The following HIKESHI variants were observed in gnomAD, a reference collection of about 807,000 sequenced individuals.
HIKESHI encodes protein Hikeshi.
In HIKESHI, 13 loss-of-function variants were observed where a neutral mutation model predicts 25.7. That is an observed-to-expected ratio of 0.51 (90% CI 0.33 to 0.80). The LOEUF (loss-of-function observed/expected upper bound fraction) is 0.80, where lower values mean the gene tolerates loss of function less well. Among genes scored for constraint, HIKESHI ranks in the 30% least tolerant of loss-of-function variants. The probability of loss-of-function intolerance (pLI) is 0.02; values close to 1 mark genes in which losing one functional copy is unlikely to be tolerated. For missense variants in HIKESHI, 174 were observed against 229.5 expected (o/e 0.76, Z 1.56); for synonymous variants, 76 against 78.7 (o/e 0.97, Z 0.18).
chr11:86,319,237 TATA>T (rs1156601896), intron 2 of HIKESHI, among the ~76,000 whole-genome samples: 18 of 95,856 alleles, frequency 1.9e-4, no homozygotes, highest in African/African-American at 7.8e-4. Context: ...TATATATATA[TATA>T]TATTTTTTTT....
chr11:86,304,676 C>T (rs1946574578), intron 1 of HIKESHI, among the ~76,000 whole-genome samples: 1 of 152,066 alleles, frequency 6.6e-6, no homozygotes, highest in Admixed American at 6.6e-5. Flanking sequence ...CCCCCATGCC[C>T]AGCTAATTTT....
intron 2 of HIKESHI, among the ~76,000 whole-genome samples, chr11:86,315,165 A>C (rs1319207512): frequency 7.2e-5 from 11 of 152,226 alleles, no homozygotes; most frequent in Admixed American, 5.9e-4. Flanking sequence ...CATTCTAGTA[A>C]AATTACTGAA....
At chr11:86,318,303 C>CAAAAAAA (rs71040230) in intron 2 of HIKESHI, among the ~76,000 whole-genome samples, 418 of 35,628 alleles carry the variant, frequency 0.012, 66 homozygotes, top group African/African-American at 0.025. Context: ...GACTCCGTCT[C>CAAAAAAA]AAAAAAAAAA....
At chr11:86,307,955 ATATT>A (rs1946701990) in intron 2 of HIKESHI, among the ~76,000 whole-genome samples, 26 of 57,318 alleles carry the variant, frequency 4.5e-4, no homozygotes, top group South Asian at 1.3e-3. Context: ...TGTGTAATAT[ATATT>A]ATATAAAATA....
chr11:86,302,503 A>T, intron 1 of HIKESHI, 25 bp downstream of exon 1: 2 of 1,556,174 alleles, frequency 1.3e-6, no homozygotes, highest in South Asian at 2.4e-5. Context: ...GGGTGATATC[A>T]GGAAGGGGTC....
chr11:86,329,601 ATGGTAT>A (rs1947370473), intron 2 of HIKESHI, among the ~76,000 whole-genome samples: 7 of 119,126 alleles, frequency 5.9e-5, no homozygotes, highest in Non-Finnish European at 1.1e-4. Context: ...TTTTTGCCTT[ATGGTAT>A]TGTCTAGGCC....
At chr11:86,338,976 A>G (rs965133963) in intron 3 of HIKESHI, among the ~76,000 whole-genome samples, 1 of 152,252 alleles carries the variant, frequency 6.6e-6, no homozygotes, top group Admixed American at 6.5e-5. Flanking sequence ...AAATACAGAG[A>G]AAATAGAGTA....
At chr11:86,337,227 A>G in intron 2 of HIKESHI, 152 bp from the exon 3 acceptor site, 1 of 665,218 alleles carries the variant, frequency 1.5e-6, no homozygotes, top group South Asian at 2.2e-5. Context: ...CTAAAAACGA[A>G]GTAGGCTTTT....
At chr11:86,309,918 C>T (rs1330539676) in intron 2 of HIKESHI, among the ~76,000 whole-genome samples, 1 of 151,832 alleles carries the variant, frequency 6.6e-6, no homozygotes, top group East Asian at 1.9e-4. Flanking sequence ...CTATTCTGTT[C>T]CATTGGTCTA....
intron 2 of HIKESHI, among the ~76,000 whole-genome samples, chr11:86,323,797 T>TA (rs1282701591): frequency 6.6e-6 from 1 of 152,194 alleles, no homozygotes; most frequent in Non-Finnish European, 1.5e-5. Flanking sequence ...GAAAGTTCAA[T>TA]AAAAAATGAG....
Position 86,344,805 on chromosome 11 carries a change from A to G in HIKESHI, c.539+84A>G, listed in dbSNP as rs566084588. 63 of 929,380 alleles carry G rather than the reference A, an allele frequency of 6.8e-5. 1 individual carries two copies. In the Middle Eastern group the frequency reaches 1.8e-3, roughly 26 times the overall value. 57.6% of individuals were successfully genotyped at this position (929,380 alleles called of 1,614,324 possible). The stretch of plus-strand genomic sequence containing the variant: ...TCTATGAATATATTCCTTTTTTGAC[A>G]TTTAAACATATTCTTTTATTGTGAA... On this transcript the variant is annotated intron_variant, in intron 4 of 4. Coordinates refer to ENST00000278483, the MANE Select transcript of HIKESHI (RefSeq NM_016401.4).
chr11:86,306,263 C>T lies in HIKESHI; in HGVS notation c.49C>T (p.Gln17Ter). The T allele has an allele frequency of 6.2e-7, 1 of 1,612,938 alleles. No individual in the cohort carries two copies. The highest frequency in any genetic ancestry group is 8.5e-7 in the Non-Finnish European group (1 of 1,179,022). ...AGRLVQTAAQ[Q>*]VAEDKFVFDL... ...TTTCTAGGTGCAAACAGCTGCACAG[C>T]AAGTGGCAGAGGATAAATTTGTTTT... is the stretch of plus-strand genomic sequence containing the variant. The change falls in exon 2 of 5, where the codon CAA becomes TAA. Residue 17 changes from glutamine (Q) to a stop codon, truncating the protein, a stop_gained. Transcript: ENST00000278483. LOFTEE classifies it high-confidence loss of function.
chr11:86,320,315 C>G (rs564218210), intron 2 of HIKESHI, among the ~76,000 whole-genome samples: 2 of 152,326 alleles, frequency 1.3e-5, no homozygotes, highest in African/African-American at 4.8e-5. Context: ...TGGTGGCTCA[C>G]GCCTGTAATC....
chr11:86,344,641 T>A lies in HIKESHI; in HGVS notation c.459T>A (p.Ala153=). Residue 153 remains alanine, a synonymous_variant, in exon 4 of 5, where the codon GCT becomes GCA. Coordinates refer to ENST00000278483, the MANE Select transcript of HIKESHI (RefSeq NM_016401.4). ...TGTTGGACAATTTCTACAATTTTGC[T>A]TCATCATTTGCTGTCTCTCAGGCCC... ...QKMLDNFYNF[A]SSFAVSQAQM... The A allele has an allele frequency of 1.9e-6, 3 of 1,609,110 alleles. No individual in the cohort carries two copies. Among genetic ancestry groups the A allele is most frequent in the Non-Finnish European group, 2.5e-6 (3 of 1,176,734 alleles).
At chr11:86,326,995 G>A (rs1593848577) in intron 2 of HIKESHI, among the ~76,000 whole-genome samples, 1 of 152,184 alleles carries the variant, frequency 6.6e-6, no homozygotes, top group East Asian at 1.9e-4. Flanking sequence ...GGAGGCTGAA[G>A]TGGGAGGATT....
intron 3 of HIKESHI, among the ~76,000 whole-genome samples, chr11:86,339,070 G>C (rs1426958819): frequency 6.6e-6 from 1 of 151,956 alleles, no homozygotes; most frequent in East Asian, 1.9e-4. Flanking sequence ...CTTTGAGACG[G>C]AGTCTCACTC....
intron 2 of HIKESHI, among the ~76,000 whole-genome samples, chr11:86,329,422 T>C (rs57331254): frequency 0.047 from 7,122 of 152,214 alleles, 453 homozygotes; most frequent in African/African-American, 0.14. Context: ...TGGCTTTGTA[T>C]CCTGAAGGAT....
At chr11:86,310,357 GCTCT>G (rs1288194895) in intron 2 of HIKESHI, among the ~76,000 whole-genome samples, 2 of 151,952 alleles carry the variant, frequency 1.3e-5, no homozygotes, top group Admixed American at 6.6e-5. Context: ...TCATGATTTG[GCTCT>G]CTGTTTGTCT....
intron 2 of HIKESHI, among the ~76,000 whole-genome samples, chr11:86,308,091 A>G (rs1404240186): frequency 1.6e-5 from 2 of 126,092 alleles, no homozygotes; most frequent in Non-Finnish European, 3.1e-5. Flanking sequence ...AATATACTAT[A>G]TAAATATACT....
Sources: allele counts gnomAD v4.1 joint callset (sites outside exome capture counted in the v4.1 genomes callset), GRCh38; gene constraint gnomAD v4.1.1; transcripts MANE v1.5; gene names NCBI Gene and HGNC (gene_info 2026-07-23, HGNC 2026-07-21).